The following RIC3 variants were observed in gnomAD, a reference collection of about 807,000 sequenced individuals.
The protein encoded by RIC3 is protein RIC-3.
A neutral mutation model predicts 27.3 loss-of-function variants in RIC3; 28 were observed. The ratio of observed to expected loss-of-function variants is 1.02; its 90% CI spans 0.76 to 1.41. The LOEUF is 1.41. Ranked by LOEUF, RIC3 falls within the 40% of genes most tolerant of loss-of-function variation. The pLI, the probability that RIC3 is intolerant of heterozygous loss-of-function variation, is 0.00. For synonymous variants in RIC3, 184 were observed against 160.4 expected (o/e 1.15, Z -1.11); for missense variants, 501 against 444.7 (o/e 1.13, Z -1.14).
At position 8,110,014 on chromosome 11, in the gene RIC3, A is replaced by T. The variant is rs1945066897; in HGVS notation, c.*684T>A. On this transcript the variant is annotated 3_prime_UTR_variant, in exon 6 of 6. Transcript: ENST00000309737. ...AAGCAGAACAGGGGTAAAGGAAGCTAGATATCCAGGTAGTATCAGAGTAAA... is the reference window on the plus strand; with the variant it reads ...AAGCAGAACAGGGGTAAAGGAAGCTTGATATCCAGGTAGTATCAGAGTAAA... The T allele has an allele frequency of 1.3e-5, 2 of 154,314 alleles. No individual in the cohort carries two copies. The highest frequency in any genetic ancestry group is 4.8e-5 in the African/African-American group (2 of 41,576). 9.6% of individuals were successfully genotyped at this position (154,314 alleles called of 1,614,324 possible).
At chr11:8,120,508 C>A (rs1443940513) in intron 5 of RIC3, among the ~76,000 whole-genome samples, 1 of 152,122 alleles carries the variant, frequency 6.6e-6, no homozygotes, top group Non-Finnish European at 1.5e-5. Context: ...TGAGGAACAT[C>A]ATACACCGGG....
intron 1 of RIC3, among the ~76,000 whole-genome samples, chr11:8,142,727 A>T (rs1457742809): frequency 8.3e-6 from 1 of 120,828 alleles, no homozygotes; most frequent in Non-Finnish European, 1.6e-5. Context: ...ACAACCAAAA[A>T]AGAGAATTTT....
intron 1 of RIC3, among the ~76,000 whole-genome samples, chr11:8,143,588 A>C (rs1949314021): frequency 6.6e-6 from 1 of 152,142 alleles, no homozygotes; most frequent in Non-Finnish European, 1.5e-5. Flanking sequence ...AGTATCGTGA[A>C]AATGGCCATA....
intron 5 of RIC3, among the ~76,000 whole-genome samples, chr11:8,122,950 G>A (rs936448633): frequency 1.6e-4 from 24 of 150,578 alleles, no homozygotes; most frequent in Non-Finnish European, 3.1e-4. Context: ...GAAATGGCAT[G>A]GATGATGAAA....
intron 4 of RIC3, among the ~76,000 whole-genome samples, chr11:8,129,127 G>A (rs1590167914): frequency 6.6e-6 from 1 of 151,704 alleles, no homozygotes; most frequent in East Asian, 2.0e-4. Flanking sequence ...CATTCTTCTT[G>A]ACTTCTCTAT....
rs1436799586 is a variant in RIC3 at position 8,110,795 on chromosome 11, C to A, written c.1013G>T (p.Trp338Leu). The change falls in exon 6 of 6, where the codon TGG (tryptophan) becomes TTG (leucine). Residue 338 changes from tryptophan to leucine, a missense_variant. Physicochemically the swap from Trp to Leu is moderately conservative, Grantham distance 61 (BLOSUM62 -2). Coordinates refer to ENST00000309737, the MANE Select transcript of RIC3 (RefSeq NM_001206671.4). ...CCCTTCATCTTTAAAGTCTTGGGAC[C>A]ACTCTTCTTTGGTGGTTTCCTCTTG... ...PEQEETTKEEWSQDFKDEGLG... is the reference protein window; with the variant it reads ...PEQEETTKEELSQDFKDEGLG... 6.2e-7 allele frequency: 1 copy of A among 1,614,146 alleles called. No individual in the cohort carries two copies. Among genetic ancestry groups the A allele is most frequent in the Non-Finnish European group, 8.5e-7 (1 of 1,180,024 alleles).
chr11:8,129,963 G>A (rs894917564), intron 4 of RIC3, among the ~76,000 whole-genome samples: 7 of 152,194 alleles, frequency 4.6e-5, no homozygotes, highest in African/African-American at 9.7e-5. Flanking sequence ...CTGAACTTAT[G>A]ATCCCAACTC....
At chr11:8,126,036 G>C (rs1007626669) in intron 5 of RIC3, among the ~76,000 whole-genome samples, 2 of 152,032 alleles carry the variant, frequency 1.3e-5, no homozygotes, top group Admixed American at 6.6e-5. Context: ...AGACTGTCTT[G>C]AAAAACAAAA....
intron 1 of RIC3, among the ~76,000 whole-genome samples, chr11:8,163,016 T>TAA (rs1331736185): frequency 7.6e-5 from 7 of 92,070 alleles, no homozygotes; most frequent in African/African-American, 4.7e-4. Flanking sequence ...CTGGATTATT[T>TAA]AAACACACAC....
rs142002247 is a variant in RIC3 at position 8,156,345 on chromosome 11, C to T, written c.124+12521G>A. On this transcript the variant is annotated intron_variant, in intron 1 of 5. Transcript: ENST00000309737. ...GTTAAGATTATGGCTGTGCCTCCCA[C>T]TATTTCAGTGGAGGTTAAATTAATC... 2.9e-3 allele frequency among the ~76,000 whole-genome samples: 440 copies of T among 152,316 alleles called. 5 individuals carry two copies. The highest frequency in any genetic ancestry group is 5.9e-3 in the Admixed American group (90 of 15,304).
Position 8,110,794 on chromosome 11 carries a change from CCA to C in RIC3, c.1012_1013del (p.Trp338ValfsTer5). The C allele has an allele frequency of 6.2e-7, 1 of 1,614,214 alleles. No homozygotes were observed. The highest frequency in any genetic ancestry group is 8.5e-7 in the Non-Finnish European group (1 of 1,180,048). Reference sequence around the variant, plus strand: ...ACCCTTCATCTTTAAAGTCTTGGGACCACTCTTCTTTGGTGGTTTCCTCTTGC... The same window carrying C: ...ACCCTTCATCTTTAAAGTCTTGGGACCTCTTCTTTGGTGGTTTCCTCTTGC... ...PEQEETTKEE[W>X]SQDFKDEGLG... On this transcript the variant is annotated frameshift_variant, in exon 6 of 6. Transcript: ENST00000309737. LOFTEE classifies it low-confidence loss of function (END_TRUNC).
rs1026098505 is a variant in RIC3, at chr11:8,109,116, A to T, written c.*1582T>A. ...AGTCTTGAATGACTTTCTGTAACTCAATTAACAATAAATGCCTAGTAGTAG... is the reference window on the plus strand; with the variant it reads ...AGTCTTGAATGACTTTCTGTAACTCTATTAACAATAAATGCCTAGTAGTAG... On this transcript the variant is annotated 3_prime_UTR_variant, in exon 6 of 6. Transcript: ENST00000309737. The T allele has an allele frequency of 8.5e-5, 13 of 152,234 alleles. No individual in the cohort carries two copies. The highest frequency in any genetic ancestry group is 2.9e-4 in the African/African-American group (12 of 41,460). The allele number at this position is 152,234 out of a possible 1,614,324, so 9.4% of individuals were successfully genotyped here.
chr11:8,138,477 C>T (rs1339927505), intron 2 of RIC3, 130 bp from the exon 3 acceptor site: 6 of 539,106 alleles, frequency 1.1e-5, no homozygotes, highest in African/African-American at 2.0e-5. Flanking sequence ...AATAGCAACA[C>T]TAGAGAAATA....
At chr11:8,112,562 T>C (rs1945398220) in intron 5 of RIC3, among the ~76,000 whole-genome samples, 1 of 152,194 alleles carries the variant, frequency 6.6e-6, no homozygotes, top group Non-Finnish European at 1.5e-5. Context: ...TCCAAATTGT[T>C]GGGATTACAG....
At chr11:8,117,253 C>T (rs1945950517) in intron 5 of RIC3, among the ~76,000 whole-genome samples, 1 of 152,124 alleles carries the variant, frequency 6.6e-6, no homozygotes, top group African/African-American at 2.4e-5. Flanking sequence ...TTTGTGGAGA[C>T]AGGGTTTCAC....
At chr11:8,135,229 T>C (rs1324514810) in intron 4 of RIC3, among the ~76,000 whole-genome samples, 1 of 152,266 alleles carries the variant, frequency 6.6e-6, no homozygotes, top group African/African-American at 2.4e-5. Context: ...AAGCCTTTTA[T>C]TAAATAGGGA....
intron 1 of RIC3, among the ~76,000 whole-genome samples, chr11:8,148,319 T>C (rs1044307324): frequency 3.9e-5 from 6 of 152,324 alleles, no homozygotes; most frequent in Admixed American, 3.3e-4. Flanking sequence ...ATGCCCCTTT[T>C]AAATTTTCAA....
At chr11:8,121,092 A>C (rs753749303) in intron 5 of RIC3, among the ~76,000 whole-genome samples, 1 of 152,210 alleles carries the variant, frequency 6.6e-6, no homozygotes, top group Non-Finnish European at 1.5e-5. Flanking sequence ...AGAATTATCA[A>C]CATAAAATAA....
chr11:8,137,559 C>G, intron 3 of RIC3, 88 bp from the exon 4 acceptor site: 1 of 920,400 alleles, frequency 1.1e-6, no homozygotes. Context: ...AGCTATTGTA[C>G]TGTCTAACTT....
Sources: gnomAD v4.1 joint callset for allele counts (sites outside exome capture counted in the v4.1 genomes callset) on GRCh38, gnomAD v4.1.1 for gene constraint, MANE v1.5 for transcripts, NCBI Gene and HGNC (gene_info 2026-07-23, HGNC 2026-07-21) for gene names.